The following NRF1 variants were observed in gnomAD, a reference collection of about 807,000 sequenced individuals.
NRF1 encodes the protein nuclear respiratory factor 1, also known as alpha palindromic-binding protein.
NRF1 carries 5 observed loss-of-function variants against 58.5 expected under a neutral mutation model. The observed-to-expected ratio is 0.09, with a 90% CI of 0.04 to 0.18. The LOEUF (loss-of-function observed/expected upper bound fraction) is 0.18, where lower values mean the gene tolerates loss of function less well. NRF1 is among the 10% of genes least tolerant of loss of function. The pLI is 1.00. For synonymous variants in NRF1, 224 were observed against 246.7 expected, an observed-to-expected ratio of 0.91 and a Z score of 0.86; for missense variants, 288 against 657.7, an observed-to-expected ratio of 0.44 and a Z score of 6.15.
intron 10 of NRF1, among the ~76,000 whole-genome samples, chr7:129,731,005 C>G (rs1281577338): frequency 6.6e-6 from 1 of 151,046 alleles, no homozygotes; most frequent in Non-Finnish European, 1.5e-5. Context: ...GGCTCAGTGG[C>G]TCACACCTGT....
chr7:129,727,032 A>G (rs956653276), intron 9 of NRF1, among the ~76,000 whole-genome samples: 4 of 152,244 alleles, frequency 2.6e-5, no homozygotes, highest in South Asian at 2.1e-4. Flanking sequence ...CTTTATAGCT[A>G]TGTAAGACTT....
chr7:129,652,260 T>C (rs1801554088), intron 1 of NRF1, among the ~76,000 whole-genome samples: 2 of 152,218 alleles, frequency 1.3e-5, no homozygotes, highest in Admixed American at 6.5e-5. Context: ...ATCTATGTGG[T>C]TGACATTTTT....
chr7:129,612,061 G>A (rs1382386850), intron 1 of NRF1, among the ~76,000 whole-genome samples: 1 of 150,066 alleles, frequency 6.7e-6, no homozygotes. Flanking sequence ...TGGCGGGCTC[G>A]GGAGGGAGGC....
chr7:129,685,556 AGTGTGTGTGTGTGTGTGTGTGTGTGT>A lies in NRF1; in HGVS notation c.466-4827_466-4802del, dbSNP rs67721424. Among the ~76,000 whole-genome samples, 646 of 143,040 alleles carry A rather than the reference AGTGTGTGTGTGTGTGTGTGTGTGTGT, an allele frequency of 4.5e-3. 1 individual carries two copies. The highest frequency in any genetic ancestry group is 0.012 in the African/African-American group (452 of 37,434). The allele number at this position is 143,040 out of a possible 152,430, so 93.8% of individuals were successfully genotyped here. Reference sequence around the variant, plus strand: ...AACATGTAAGACCCTGTCTCATTCAAGTGTGTGTGTGTGTGTGTGTGTGTGTGTGTGTGTGTGTGTGTGTGTGTATG... The same window carrying A: ...AACATGTAAGACCCTGTCTCATTCAAGTGTGTGTGTGTGTGTGTGTGTATG... On this transcript the variant is annotated intron_variant, in intron 4 of 10. Coordinates refer to ENST00000393232, the MANE Select transcript of NRF1 (RefSeq NM_005011.5).
At chr7:129,718,589 A>G (rs138427694) in intron 9 of NRF1, among the ~76,000 whole-genome samples, 27 of 152,354 alleles carry the variant, frequency 1.8e-4, no homozygotes, top group Non-Finnish European at 3.5e-4. Context: ...CTTAGCAAAC[A>G]GTATTACTTA....
chr7:129,612,058 C>G (rs1011762764), intron 1 of NRF1, among the ~76,000 whole-genome samples: 75 of 150,182 alleles, frequency 5.0e-4, no homozygotes, highest in Admixed American at 4.8e-3. Context: ...TCCTGGCGGG[C>G]TCGGGAGGGA....
At chr7:129,618,985 T>C (rs567593693) in intron 1 of NRF1, among the ~76,000 whole-genome samples, 1 of 152,282 alleles carries the variant, frequency 6.6e-6, no homozygotes, top group Admixed American at 6.5e-5. Context: ...TTTCCACTTG[T>C]GGCATCATGT....
intron 1 of NRF1, among the ~76,000 whole-genome samples, chr7:129,638,115 A>G (rs1339037220): frequency 1.3e-5 from 2 of 151,290 alleles, no homozygotes; most frequent in South Asian, 2.1e-4. Flanking sequence ...TTTTTTTTCA[A>G]TAGTTCACTC....
intron 4 of NRF1, among the ~76,000 whole-genome samples, chr7:129,679,348 G>A (rs948262335): frequency 6.6e-6 from 1 of 152,178 alleles, no homozygotes; most frequent in Non-Finnish European, 1.5e-5. Flanking sequence ...AACATGCAGA[G>A]TGGGAGAAAT....
At chr7:129,679,730 A>AG (rs1439838222) in intron 4 of NRF1, among the ~76,000 whole-genome samples, 2 of 151,288 alleles carry the variant, frequency 1.3e-5, no homozygotes, top group African/African-American at 4.9e-5. Context: ...CTCAAAAAAA[A>AG]GAAAGAAAGA....
intron 4 of NRF1, among the ~76,000 whole-genome samples, chr7:129,688,675 T>C (rs529813686): frequency 1.3e-5 from 2 of 149,538 alleles, no homozygotes; most frequent in Non-Finnish European, 2.9e-5. Flanking sequence ...ACGTCTTACA[T>C]AGTGGCAGGA....
chr7:129,744,150 T>A (rs890160451), intron 10 of NRF1: 6 of 1,463,214 alleles, frequency 4.1e-6, no homozygotes, highest in Admixed American at 4.6e-5. Flanking sequence ...TTTTTTTTTT[T>A]AACAGTTCTG....
chr7:129,688,839 G>T (rs1271193055), intron 4 of NRF1, among the ~76,000 whole-genome samples: 1 of 152,102 alleles, frequency 6.6e-6, no homozygotes, highest in African/African-American at 2.4e-5. Flanking sequence ...CCTCCCACCA[G>T]GTCCCTCCCT....
At chr7:129,651,767 G>C (rs1453664795) in intron 1 of NRF1, among the ~76,000 whole-genome samples, 1 of 152,146 alleles carries the variant, frequency 6.6e-6, no homozygotes, top group East Asian at 1.9e-4. Context: ...ATATTCAATT[G>C]TGTGACTTAG....
At chr7:129,647,957 T>A (rs1443287946) in intron 1 of NRF1, among the ~76,000 whole-genome samples, 1 of 152,214 alleles carries the variant, frequency 6.6e-6, no homozygotes, top group Non-Finnish European at 1.5e-5. Context: ...TGCTCTAACA[T>A]GTCATTTAAT....
At chr7:129,669,263 G>A (rs1010942903) in intron 2 of NRF1, among the ~76,000 whole-genome samples, 38 of 152,052 alleles carry the variant, frequency 2.5e-4, no homozygotes, top group African/African-American at 8.9e-4. Flanking sequence ...TGAGTTTTAT[G>A]AGTATATACA....
At chr7:129,678,225 T>G (rs1802227637) in intron 4 of NRF1, among the ~76,000 whole-genome samples, 1 of 152,220 alleles carries the variant, frequency 6.6e-6, no homozygotes, top group Non-Finnish European at 1.5e-5. Flanking sequence ...AATATAGAAC[T>G]ATATTTGAAC....
chr7:129,613,432 A>T (rs975868084), intron 1 of NRF1, among the ~76,000 whole-genome samples: 2 of 152,186 alleles, frequency 1.3e-5, no homozygotes, highest in Non-Finnish European at 2.9e-5. Flanking sequence ...TCCTTATTTT[A>T]TGAGTCCGAA....
chr7:129,640,758 A>G (rs748663648), intron 1 of NRF1, among the ~76,000 whole-genome samples: 3 of 152,176 alleles, frequency 2.0e-5, no homozygotes, highest in Non-Finnish European at 4.4e-5. Flanking sequence ...GCCACCAATT[A>G]GAGATGTGAC....
Sources: gnomAD v4.1 joint callset for allele counts (sites outside exome capture counted in the v4.1 genomes callset) on GRCh38, gnomAD v4.1.1 for gene constraint, MANE v1.5 for transcripts, NCBI Gene and HGNC (gene_info 2026-07-23, HGNC 2026-07-21) for gene names.